PRRX2: variants seen among roughly 807,000 people sequenced by gnomAD.
PRRX2 encodes the protein paired mesoderm homeobox protein 2.
PRRX2 carries 11 observed loss-of-function variants against 18.0 expected under a neutral mutation model. The observed-to-expected ratio is 0.61, with a 90% CI of 0.39 to 1.01. The LOEUF is 1.01. PRRX2 is among the 50% of genes least tolerant of loss of function. The pLI is 0.01. For missense variants in PRRX2, 387 were observed against 351.0 expected (o/e 1.10, Z -0.82); for synonymous variants, 177 against 154.8 (o/e 1.14, Z -1.06).
At position 129,675,688 on chromosome 9, in the gene PRRX2, A is replaced by T. The variant is rs1389090689; in HGVS notation, c.259+9562A>T. Reference sequence around the variant, plus strand: ...GCCTCCCTTCTTGCCGTGGGCGCAGACGTTTACACGCCAGAGATGGCGTTA... The same window carrying T: ...GCCTCCCTTCTTGCCGTGGGCGCAGTCGTTTACACGCCAGAGATGGCGTTA... On this transcript the variant is annotated intron_variant, in intron 1 of 3. Coordinates refer to ENST00000372469, the MANE Select transcript of PRRX2 (RefSeq NM_016307.4). This position sits in a 1 kb window ranked among gnomAD's most constrained non-coding sequence, Gnocchi z 4.4. Among the ~76,000 whole-genome samples the T allele has an allele frequency of 6.7e-6, 1 of 149,412 alleles. No homozygotes were observed. The highest frequency in any genetic ancestry group is 1.5e-5 in the Non-Finnish European group (1 of 67,590).
At chr9:129,697,539 C>T (rs1832442264) in intron 1 of PRRX2, among the ~76,000 whole-genome samples, 1 of 151,238 alleles carries the variant, frequency 6.6e-6, no homozygotes, top group African/African-American at 2.4e-5. Flanking sequence ...GGCGCGCTCG[C>T]ACGCACTGGC....
rs1423552902 is a variant in PRRX2 at position 129,665,735 on chromosome 9, C to G, written c.-133C>G. On this transcript the variant is annotated 5_prime_UTR_variant, in exon 1 of 4. Coordinates refer to ENST00000372469, the MANE Select transcript of PRRX2 (RefSeq NM_016307.4). The surrounding 1 kb of genome is among the most constrained non-coding windows in gnomAD (Gnocchi z 5.3). ...TCCCCGACGTCAGCGCCGGGCGGGC[C>G]GCGAGGCTAGGAGGCGGCGGGAGCT... 4.6e-6 allele frequency: 3 copies of G among 647,960 alleles called. No individual in the cohort carries two copies. Among genetic ancestry groups the G allele is most frequent in the Non-Finnish European group, 5.8e-6 (3 of 518,890 alleles). 40.1% of individuals were successfully genotyped at this position (647,960 alleles called of 1,614,324 possible).
chr9:129,668,808 A>G (rs1168945879), intron 1 of PRRX2, among the ~76,000 whole-genome samples: 2 of 151,054 alleles, frequency 1.3e-5, no homozygotes, highest in Non-Finnish European at 1.5e-5. Flanking sequence ...AGAAAGAAAG[A>G]AAAGAAAAGA....
intron 1 of PRRX2, among the ~76,000 whole-genome samples, chr9:129,702,606 G>A (rs987402236): frequency 2.0e-5 from 3 of 152,182 alleles, no homozygotes; most frequent in African/African-American, 7.2e-5. Flanking sequence ...TTGCTCCCAC[G>A]TTGGACGGTA....
At chr9:129,677,763 C>G (rs2009028) in intron 1 of PRRX2, among the ~76,000 whole-genome samples, 6,722 of 152,240 alleles carry the variant, frequency 0.044, 186 homozygotes, top group African/African-American at 0.081. Flanking sequence ...CACATCCCTG[C>G]GGGAGGAGAG....
At chr9:129,686,138 C>T (rs1366606080) in intron 1 of PRRX2, among the ~76,000 whole-genome samples, 4 of 152,036 alleles carry the variant, frequency 2.6e-5, no homozygotes, top group Admixed American at 6.6e-5. Flanking sequence ...GGGTGGGGCT[C>T]GTAGGGGGCA....
At chr9:129,714,773 G>A (rs1832681302) in intron 1 of PRRX2, among the ~76,000 whole-genome samples, 1 of 152,166 alleles carries the variant, frequency 6.6e-6, no homozygotes, top group Non-Finnish European at 1.5e-5. Flanking sequence ...AACACCCCCA[G>A]GTTTGAATTG....
chr9:129,712,456 T>C (rs748431159), intron 1 of PRRX2, among the ~76,000 whole-genome samples: 2 of 152,056 alleles, frequency 1.3e-5, no homozygotes, highest in Non-Finnish European at 2.9e-5. Flanking sequence ...AGAAAAACCA[T>C]AGGCACAGGG....
intron 1 of PRRX2, among the ~76,000 whole-genome samples, chr9:129,674,897 C>T (rs1242876943): frequency 6.6e-6 from 1 of 152,188 alleles, no homozygotes; most frequent in Non-Finnish European, 1.5e-5. Context: ...ACCCAGGGAG[C>T]TGGTGCGTGT....
intron 1 of PRRX2, among the ~76,000 whole-genome samples, chr9:129,685,884 A>G (rs61417583): frequency 0.034 from 5,217 of 152,308 alleles, 307 homozygotes; most frequent in African/African-American, 0.12. Context: ...GGTGCAGTGT[A>G]AGCAAGTTGA....
intron 1 of PRRX2, among the ~76,000 whole-genome samples, chr9:129,699,430 A>T (rs737188): frequency 0.13 from 18,364 of 143,662 alleles, 1,376 homozygotes; most frequent in East Asian, 0.36. Context: ...TCTCAAAAAA[A>T]ATATATATAT....
chr9:129,691,184 A>AG (rs1192769298), intron 1 of PRRX2, among the ~76,000 whole-genome samples: 3 of 151,694 alleles, frequency 2.0e-5, no homozygotes, highest in African/African-American at 7.3e-5. Flanking sequence ...AAAAAAAAAA[A>AG]AAATTAGACA....
chr9:129,705,412 T>A (rs1220021466), intron 1 of PRRX2, among the ~76,000 whole-genome samples: 1 of 152,160 alleles, frequency 6.6e-6, no homozygotes, highest in African/African-American at 2.4e-5. Context: ...TGGAGTTCAG[T>A]GGCTTGATCC....
At position 129,709,881 on chromosome 9, in the gene PRRX2, C is replaced by T. The variant is rs1832599812; in HGVS notation, c.260-9350C>T. 6.6e-6 allele frequency among the ~76,000 whole-genome samples: 1 copy of T among 152,082 alleles called. No individual in the cohort carries two copies. Among genetic ancestry groups the T allele is most frequent in the Non-Finnish European group, 1.5e-5 (1 of 68,012 alleles). ...GGCGGGCTCTGCAGGCTCACCCGGC[C>T]CTTCCCATGCCTCCCCTTCACTCAA... On this transcript the variant is annotated intron_variant, in intron 1 of 3. Transcript: ENST00000372469. The surrounding 1 kb of genome is among the most constrained non-coding windows in gnomAD (Gnocchi z 4.2).
chr9:129,707,790 C>CA (rs34188002), intron 1 of PRRX2, among the ~76,000 whole-genome samples: 32,808 of 118,522 alleles, frequency 0.28, 4,570 homozygotes, highest in African/African-American at 0.44. Context: ...GACTGTGTCT[C>CA]AAAAAAAAAA....
At chr9:129,719,207 A>G in intron 1 of PRRX2, 24 bp from the exon 2 acceptor site, 1 of 1,534,404 alleles carries the variant, frequency 6.5e-7, no homozygotes, top group Non-Finnish European at 8.8e-7. Context: ...CCTGCTGACC[A>G]TCCCGCCCCC....
In PRRX2 at chr9:129,709,178, A is replaced by G. The variant is rs902565957; in HGVS notation, c.260-10053A>G. Among the ~76,000 whole-genome samples, 1 of 152,188 alleles carries G rather than the reference A, an allele frequency of 6.6e-6. No individual in the cohort carries two copies. The highest frequency in any genetic ancestry group is 1.9e-4 in the East Asian group (1 of 5,186). ...GAGGGAACAGCAGATACCAAGGCCC[A>G]GAGGTGGGAAGGTGCTTGTGCTCCC... On this transcript the variant is annotated intron_variant, in intron 1 of 3. Transcript: ENST00000372469. The surrounding 1 kb of genome is among the most constrained non-coding windows in gnomAD (Gnocchi z 4.2).
chr9:129,713,885 C>T (rs966080220), intron 1 of PRRX2, among the ~76,000 whole-genome samples: 11 of 150,674 alleles, frequency 7.3e-5, no homozygotes, highest in Non-Finnish European at 1.5e-4. Flanking sequence ...TCAGGTGTTC[C>T]GCCTGCCTCG....
chr9:129,708,704 GT>G (rs1285497037), intron 1 of PRRX2, among the ~76,000 whole-genome samples: 1 of 152,260 alleles, frequency 6.6e-6, no homozygotes, highest in Admixed American at 6.5e-5. Context: ...AGTTGCTTGT[GT>G]TTTTGATGTC....
Sources: allele counts gnomAD v4.1 joint callset (sites outside exome capture counted in the v4.1 genomes callset), GRCh38; gene constraint gnomAD v4.1.1; non-coding constraint Gnocchi (gnomAD v3.1); transcripts MANE v1.5; gene names NCBI Gene and HGNC (gene_info 2026-07-23, HGNC 2026-07-21).